The following SIAE variants were observed in gnomAD, a reference collection of about 807,000 sequenced individuals.
The protein encoded by SIAE is sialic acid acetylesterase.
Under a neutral mutation model 52.6 loss-of-function variants are expected in SIAE, and 39 were observed. The ratio of observed to expected loss-of-function variants is 0.74; its 90% confidence interval spans 0.57 to 0.97. The LOEUF (loss-of-function observed/expected upper bound fraction) is 0.97, where lower values mean the gene tolerates loss of function less well. Ranked by LOEUF, SIAE falls within the 50% of genes least tolerant of loss-of-function variation. The pLI is 0.00. For synonymous variants in SIAE, 233 were observed against 241.4 expected (o/e 0.97, Z 0.32); for missense variants, 592 against 662.1 (o/e 0.89, Z 1.16).
Position 124,654,759 on chromosome 11 carries a change from G to A in SIAE, c.440C>T (p.Ala147Val), listed in dbSNP as rs367630158. 6.2e-5 allele frequency: 100 copies of A among 1,613,874 alleles called. No homozygotes were observed. Among genetic ancestry groups the A allele is most frequent in the Non-Finnish European group, 8.0e-5 (94 of 1,180,020 alleles). The stretch of plus-strand genomic sequence containing the variant: ...GAGGATGCGGACAGACTGATATGCC[G>A]CAGTGTTAGACAACTCCCTTGTAGC... Reference protein sequence around the residue: ...FNATRELSNTAAYQSVRILSV... With the variant: ...FNATRELSNTVAYQSVRILSV... Residue 147 changes from alanine (A) to valine (V), a missense_variant, in exon 4 of 10, where the codon GCG (alanine) becomes GTG (valine). Ala to Val is a moderately conservative substitution (Grantham distance 64). Transcript: ENST00000263593.
intron 3 of SIAE, among the ~76,000 whole-genome samples, chr11:124,655,708 C>T (rs1324471308): frequency 6.6e-6 from 1 of 152,020 alleles, no homozygotes; most frequent in Non-Finnish European, 1.5e-5. Flanking sequence ...TTCCAGGAAC[C>T]ACACCCCCCC....
intron 6 of SIAE, 60 bp from the exon 7 acceptor site, chr11:124,647,558 T>C (rs1442949099): frequency 3.8e-6 from 6 of 1,593,970 alleles, no homozygotes; most frequent in Non-Finnish European, 4.3e-6. Flanking sequence ...GACCACACAT[T>C]ACTCTCCTCC....
chr11:124,638,516 C>G, intron 9 of SIAE, 26 bp downstream of exon 9: 1 of 1,611,290 alleles, frequency 6.2e-7, no homozygotes, highest in African/African-American at 1.3e-5. Context: ...AAAATGAACC[C>G]CTGTTTATTC....
intron 3 of SIAE, among the ~76,000 whole-genome samples, chr11:124,656,538 GT>G (rs1943102912): frequency 6.6e-6 from 1 of 152,136 alleles, no homozygotes; most frequent in African/African-American, 2.4e-5. Flanking sequence ...GTGGCTTAGG[GT>G]TTTCTGGAAA....
rs2134345004 is a variant in SIAE, at chr11:124,635,369, C to T, written c.*1582G>A. The T allele has an allele frequency of 1.3e-5, 2 of 151,594 alleles. 1 individual carries two copies. The highest frequency in any genetic ancestry group is 4.2e-4 in the South Asian group (2 of 4,778). 9.4% of individuals were successfully genotyped at this position (151,594 alleles called of 1,614,324 possible). A position where few individuals can be genotyped will look rare whatever the true frequency, so the allele number is the denominator to read the frequency against. ...AGTGTGTAGATTTTTTGTTTTTTAA[C>T]TAAATAAAATCTTGGCACTGACAAA... is the stretch of plus-strand genomic sequence containing the variant. On this transcript the variant is annotated 3_prime_UTR_variant, in exon 10 of 10. Coordinates refer to ENST00000263593, the MANE Select transcript of SIAE (RefSeq NM_170601.5).
upstream of SIAE, chr11:124,675,346 C>T (rs747955822): frequency 6.2e-7 from 1 of 1,614,224 alleles, no homozygotes; most frequent in Non-Finnish European, 8.5e-7. Flanking sequence ...ACGCGAGATT[C>T]TGAGAGAGCA....
At position 124,670,630 on chromosome 11, in the gene SIAE, T is replaced by A. The variant is rs1029590664; in HGVS notation, c.68-1109A>T. On this transcript the variant is annotated intron_variant, in intron 1 of 9. Coordinates refer to ENST00000263593, the MANE Select transcript of SIAE (RefSeq NM_170601.5). The surrounding 1 kb of genome is among the most constrained non-coding windows in gnomAD (Gnocchi z 4.5). ...CATTTTCCTCCCTGGAAGCTACAAA[T>A]GATGAGGGCCCCTTCGGCTATACTT... Among the ~76,000 whole-genome samples the A allele has an allele frequency of 1.3e-5, 2 of 152,142 alleles. No homozygotes were observed. The highest frequency in any genetic ancestry group is 2.9e-5 in the Non-Finnish European group (2 of 68,028).
At chr11:124,652,140 G>A (rs1302451653) in intron 4 of SIAE, among the ~76,000 whole-genome samples, 1 of 152,160 alleles carries the variant, frequency 6.6e-6, no homozygotes, top group Non-Finnish European at 1.5e-5. Flanking sequence ...AAAGAAAATG[G>A]AAACCCACTT....
intron 3 of SIAE, among the ~76,000 whole-genome samples, chr11:124,656,868 C>T (rs1375942477): frequency 4.6e-5 from 7 of 152,182 alleles, no homozygotes; most frequent in African/African-American, 9.7e-5. Context: ...GTGAGAGGCA[C>T]AGGAGGCCGG....
chr11:124,669,190 T>A (rs1943314079), intron 2 of SIAE, among the ~76,000 whole-genome samples, 170 bp downstream of exon 2: 1 of 152,220 alleles, frequency 6.6e-6, no homozygotes, highest in Non-Finnish European at 1.5e-5. Flanking sequence ...TTTGTTTGTA[T>A]CCTCAGTGCC....
chr11:124,666,881 AG>A (rs1943279646), intron 2 of SIAE, among the ~76,000 whole-genome samples: 1 of 152,242 alleles, frequency 6.6e-6, no homozygotes, highest in Non-Finnish European at 1.5e-5. Flanking sequence ...ATCACTGTAA[AG>A]GAAAAGGGAG....
At chr11:124,675,447 A>G (rs201252178), upstream of SIAE, 26 of 1,600,444 alleles carry the variant, frequency 1.6e-5, no homozygotes, top group Non-Finnish European at 2.2e-5. Flanking sequence ...GTCATTTTTT[A>G]AAATAAGAAA....
intron 7 of SIAE, among the ~76,000 whole-genome samples, chr11:124,646,561 G>C (rs1942938801): frequency 6.6e-6 from 1 of 151,990 alleles, no homozygotes; most frequent in South Asian, 2.1e-4. Context: ...GGGAGTGGAA[G>C]GGATAACACC....
intron 1 of SIAE, 81 bp from the exon 2 acceptor site, chr11:124,669,602 A>G: frequency 7.7e-7 from 1 of 1,291,682 alleles, no homozygotes; most frequent in Non-Finnish European, 1.1e-6. Flanking sequence ...AGCAAAGAAC[A>G]TACAGTCTTT....
At chr11:124,644,823 C>T (rs753311008) in intron 7 of SIAE, among the ~76,000 whole-genome samples, 1 of 152,198 alleles carries the variant, frequency 6.6e-6, no homozygotes, top group Non-Finnish European at 1.5e-5. Context: ...ACGTGTCCAG[C>T]CCTGGTCTCT....
At chr11:124,659,383 C>A (rs1283149124) in intron 3 of SIAE, 3 of 152,166 alleles carry the variant, frequency 2.0e-5, no homozygotes, top group African/African-American at 4.8e-5. Flanking sequence ...CTTCTACTCT[C>A]TTATGCTAAA....
intron 1 of SIAE, among the ~76,000 whole-genome samples, chr11:124,671,784 CAG>C (rs1366470275): frequency 6.6e-6 from 1 of 152,100 alleles, no homozygotes; most frequent in Non-Finnish European, 1.5e-5. Context: ...TTTTTTGAGA[CAG>C]AGTCTTGCTC....
chr11:124,636,210 C>A lies in SIAE; in HGVS notation c.*741G>T, dbSNP rs1002639251. On this transcript the variant is annotated 3_prime_UTR_variant, in exon 10 of 10. Transcript: ENST00000263593. ...CCTTAGGGCAGTCACTTAGCACCTT[C>A]CAAAGTGCCTGCACATGTTTCTTAT... 1 of 152,612 alleles carries A rather than the reference C, an allele frequency of 6.6e-6. No individual in the cohort carries two copies. The highest frequency in any genetic ancestry group is 1.5e-5 in the Non-Finnish European group (1 of 68,370). 9.5% of individuals were successfully genotyped at this position (152,612 alleles called of 1,614,324 possible).
rs959910544 is a variant in SIAE, at chr11:124,636,841, T to C, written c.*110A>G. On this transcript the variant is annotated 3_prime_UTR_variant, in exon 10 of 10. Transcript: ENST00000263593. ...CATGTGCTAGCTGAAAGCCATTCAATGAGGCTTTCTATTAATTTCCTTTAA... is the reference window on the plus strand; with the variant it reads ...CATGTGCTAGCTGAAAGCCATTCAACGAGGCTTTCTATTAATTTCCTTTAA... 2.2e-5 allele frequency: 33 copies of C among 1,476,686 alleles called. 2 individuals are homozygous for C. Among genetic ancestry groups the C allele is most frequent in the Middle Eastern group, 2.4e-4 (1 of 4,174 alleles). 91.5% of individuals were successfully genotyped at this position (1,476,686 alleles called of 1,614,324 possible). A position where few individuals can be genotyped will look rare whatever the true frequency, so the allele number is the denominator to read the frequency against.
Sources: allele counts gnomAD v4.1 joint callset (sites outside exome capture counted in the v4.1 genomes callset), GRCh38; gene constraint gnomAD v4.1.1; non-coding constraint Gnocchi (gnomAD v3.1); transcripts MANE v1.5; gene names NCBI Gene and HGNC (gene_info 2026-07-23, HGNC 2026-07-21).